CSMD1: variants seen among roughly 807,000 people sequenced by gnomAD.
The protein encoded by CSMD1 is CUB and sushi domain-containing protein 1.
In CSMD1, 213 loss-of-function variants were observed where a neutral mutation model predicts 417.5. The observed-to-expected ratio is 0.51, with a 90% CI of 0.46 to 0.57. The LOEUF (loss-of-function observed/expected upper bound fraction) is 0.57, where lower values mean the gene tolerates loss of function less well. CSMD1 is among the 20% of genes least tolerant of loss of function. The pLI is 0.00. For missense variants in CSMD1, 6,923 were observed against 4,529.7 expected, an observed-to-expected ratio of 1.53 and a Z score of -15.17; for synonymous variants, 2,862 against 1,736.8, an observed-to-expected ratio of 1.65 and a Z score of -16.11.
At chr8:3,387,093 A>G (rs895696) in intron 18 of CSMD1, among the ~76,000 whole-genome samples, 72,448 of 152,008 alleles carry the variant, frequency 0.48, 17,479 homozygotes, top group Middle Eastern at 0.52. Flanking sequence ...CAGTCCACGG[A>G]AACAAAGACA....
chr8:4,895,675 C>A (rs776052241), intron 1 of CSMD1, among the ~76,000 whole-genome samples: 2 of 151,842 alleles, frequency 1.3e-5, no homozygotes, highest in Admixed American at 1.3e-4. Context: ...AAATTGCTAT[C>A]CACCTTCACC....
At chr8:3,200,896 T>C (rs1424052241) in intron 32 of CSMD1, among the ~76,000 whole-genome samples, 3 of 152,182 alleles carry the variant, frequency 2.0e-5, no homozygotes. Context: ...TTAGTAAATG[T>C]ACCCAGTACC....
chr8:4,343,873 G>A (rs1032123109), intron 3 of CSMD1, among the ~76,000 whole-genome samples: 3 of 152,092 alleles, frequency 2.0e-5, no homozygotes, highest in South Asian at 2.1e-4. Flanking sequence ...TATGGCCCTG[G>A]TCAACTCAAT....
chr8:3,224,504 A>G (rs1261389758), intron 27 of CSMD1, among the ~76,000 whole-genome samples: 4 of 152,214 alleles, frequency 2.6e-5, no homozygotes, highest in African/African-American at 9.6e-5. Flanking sequence ...TACTTTCCCC[A>G]TATTTCAAAG....
rs1474759079 is a variant in CSMD1 at position 3,613,209 on chromosome 8, TGAAGTA to T, written c.1097+3495_1097+3500del. The T allele has an allele frequency of 3.3e-5, 10 of 302,002 alleles. No individual in the cohort carries two copies. In the East Asian group the frequency reaches 1.1e-3, roughly 34 times the overall value. 18.7% of individuals were successfully genotyped at this position (302,002 alleles called of 1,614,324 possible). On this transcript the variant is annotated intron_variant, in intron 8 of 69. Transcript: ENST00000635120. ...AAAGATACACACTATCAAAGCTCAC[TGAAGTA>T]GAAGTAGATCATCTACATAAGCCTG...
intron 27 of CSMD1, among the ~76,000 whole-genome samples, chr8:3,225,079 T>C (rs192167984): frequency 1.2e-3 from 188 of 152,336 alleles, no homozygotes; most frequent in African/African-American, 4.4e-3. Context: ...ATTGCTGATT[T>C]TTCCCCTATA....
chr8:3,880,964 C>G (rs927832308), intron 5 of CSMD1, among the ~76,000 whole-genome samples: 1 of 152,004 alleles, frequency 6.6e-6, no homozygotes, highest in Non-Finnish European at 1.5e-5. Flanking sequence ...AAGACAACTG[C>G]ATTTTTAAGT....
At chr8:2,965,991 C>A in intron 58 of CSMD1, 37 bp from the exon 59 acceptor site, 2 of 1,534,476 alleles carry the variant, frequency 1.3e-6, no homozygotes, top group Non-Finnish European at 1.8e-6. Flanking sequence ...CAGAGAAATT[C>A]ATTTACCATG....
intron 3 of CSMD1, among the ~76,000 whole-genome samples, chr8:4,063,015 T>C (rs993088154): frequency 5.9e-5 from 9 of 152,312 alleles, no homozygotes; most frequent in East Asian, 1.9e-4. Context: ...GAGATACTGT[T>C]AGTTACATAA....
intron 5 of CSMD1, among the ~76,000 whole-genome samples, chr8:3,960,354 C>T (rs1013981888): frequency 2.0e-5 from 3 of 152,120 alleles, no homozygotes; most frequent in Non-Finnish European, 4.4e-5. Context: ...ACACCCTTTC[C>T]TCATCACGCT....
At chr8:4,450,325 G>C (rs907407351) in intron 2 of CSMD1, among the ~76,000 whole-genome samples, 1 of 152,024 alleles carries the variant, frequency 6.6e-6, no homozygotes, top group African/African-American at 2.4e-5. Flanking sequence ...TTTTTTCTTT[G>C]TTTTTTTAAA....
intron 3 of CSMD1, among the ~76,000 whole-genome samples, chr8:4,393,025 G>C (rs753010523): frequency 4.6e-5 from 7 of 152,090 alleles, no homozygotes; most frequent in Non-Finnish European, 8.8e-5. Context: ...ATCCAGGCTG[G>C]AGTGCAGTGA....
At chr8:2,948,012 T>C (rs1000868825) in intron 68 of CSMD1, among the ~76,000 whole-genome samples, 2 of 151,800 alleles carry the variant, frequency 1.3e-5, no homozygotes, top group African/African-American at 2.4e-5. Context: ...AATAAGTTCA[T>C]CAGTGGTAAT....
At chr8:4,910,458 T>C (rs1805586438) in intron 1 of CSMD1, among the ~76,000 whole-genome samples, 1 of 152,222 alleles carries the variant, frequency 6.6e-6, no homozygotes, top group Non-Finnish European at 1.5e-5. Flanking sequence ...TTAGCGGGTT[T>C]GTCCTCTGAT....
chr8:4,160,753 T>A (rs1797108721), intron 3 of CSMD1, among the ~76,000 whole-genome samples: 1 of 152,254 alleles, frequency 6.6e-6, no homozygotes, highest in Admixed American at 6.5e-5. Flanking sequence ...ATACTACATT[T>A]ACTCAGTCAC....
At chr8:4,253,507 C>T (rs1036980147) in intron 3 of CSMD1, among the ~76,000 whole-genome samples, 1 of 152,026 alleles carries the variant, frequency 6.6e-6, no homozygotes, top group Non-Finnish European at 1.5e-5. Flanking sequence ...CTAGGTTAAG[C>T]CCCTGGGATA....
chr8:3,959,029 C>A (rs766742384), intron 5 of CSMD1, among the ~76,000 whole-genome samples: 1 of 152,204 alleles, frequency 6.6e-6, no homozygotes, highest in Non-Finnish European at 1.5e-5. Context: ...GGCGGCTTCT[C>A]CATGCTCCTC....
chr8:4,273,498 T>G (rs1804729139), intron 3 of CSMD1, among the ~76,000 whole-genome samples: 1 of 152,122 alleles, frequency 6.6e-6, no homozygotes, highest in African/African-American at 2.4e-5. Context: ...ATTTTGAGAG[T>G]TAAGTAGCAA....
intron 12 of CSMD1, among the ~76,000 whole-genome samples, chr8:3,460,069 A>T (rs1391058428): frequency 6.6e-6 from 1 of 152,168 alleles, no homozygotes; most frequent in Non-Finnish European, 1.5e-5. Flanking sequence ...TTGCATTCCC[A>T]GAGCTTCTGT....
Sources: gnomAD v4.1 joint callset for allele counts (sites outside exome capture counted in the v4.1 genomes callset) on GRCh38, gnomAD v4.1.1 for gene constraint, MANE v1.5 for transcripts, NCBI Gene and HGNC (gene_info 2026-07-23, HGNC 2026-07-21) for gene names.